SYNE2: variants seen among roughly 807,000 people sequenced by gnomAD.
SYNE2 encodes spectrin repeat containing nuclear envelope protein 2, also known as nesprin-2.
In SYNE2, 431 loss-of-function variants were observed where a neutral mutation model predicts 856.3. The ratio of observed to expected loss-of-function variants is 0.50; its 90% CI spans 0.47 to 0.55. The LOEUF is 0.55. Ranked by LOEUF, SYNE2 falls within the 20% of genes least tolerant of loss-of-function variation. The probability of loss-of-function intolerance (pLI) is 0.00; values close to 1 mark genes in which losing one functional copy is unlikely to be tolerated. For synonymous variants in SYNE2, 2,923 were observed against 2,872.3 expected, an observed-to-expected ratio of 1.02 and a Z score of -0.56; for missense variants, 8,129 against 8,023.2, an observed-to-expected ratio of 1.01 and a Z score of -0.50.
chr14:64,098,998 C>G (rs2097699727), intron 63 of SYNE2, 177 bp downstream of exon 63: 1 of 657,302 alleles, frequency 1.5e-6, no homozygotes, highest in Admixed American at 2.2e-5. Context: ...TGGAAACCTA[C>G]TTCACTGTGT....
chr14:64,006,146 A>G (rs909947788), intron 30 of SYNE2, among the ~76,000 whole-genome samples: 1 of 152,210 alleles, frequency 6.6e-6, no homozygotes, highest in African/African-American at 2.4e-5. Context: ...AGAAAATTGG[A>G]GGCTAGGAAG....
intron 1 of SYNE2, among the ~76,000 whole-genome samples, chr14:63,859,946 T>TCCTTCCCCCCCCCCCCCCCCC (rs1412347551): frequency 1.8e-5 from 1 of 55,062 alleles, no homozygotes; most frequent in African/African-American, 4.1e-5. Context: ...TCCCCTTCCT[T>TCCTTCCCCCCCCCCCCCCCCC]CCCTCCCTCC....
chr14:64,075,753 AC>A (rs2097453400), intron 53 of SYNE2, 191 bp from the exon 54 acceptor site: 2 of 585,086 alleles, frequency 3.4e-6, no homozygotes, highest in Non-Finnish European at 6.1e-6. Flanking sequence ...TTTAATTCTT[AC>A]AAATTAGAAA....
At chr14:64,207,893 C>A in intron 100 of SYNE2, 1 of 414,974 alleles carries the variant, frequency 2.4e-6, no homozygotes, top group Non-Finnish European at 4.8e-6. Flanking sequence ...ACAATTTGGA[C>A]ATCAGGGATG....
At chr14:64,207,233 C>T (rs1481450320) in intron 100 of SYNE2, among the ~76,000 whole-genome samples, 1 of 152,152 alleles carries the variant, frequency 6.6e-6, no homozygotes, top group Non-Finnish European at 1.5e-5. Context: ...TTTCTTATAT[C>T]AACCTAAACA....
chr14:63,874,135 C>G (rs973561758), intron 1 of SYNE2: 1 of 152,306 alleles, frequency 6.6e-6, no homozygotes, highest in East Asian at 1.9e-4. Context: ...CTTCCTGTAT[C>G]TCTCTTCCTT....
intron 99 of SYNE2, among the ~76,000 whole-genome samples, chr14:64,193,926 T>C (rs1567607451): frequency 6.6e-6 from 1 of 152,218 alleles, no homozygotes; most frequent in Non-Finnish European, 1.5e-5. Flanking sequence ...GTAAATAATT[T>C]AGCCAAGGAC....
intron 8 of SYNE2, among the ~76,000 whole-genome samples, chr14:63,955,673 C>T (rs1264367126): frequency 6.6e-6 from 1 of 152,072 alleles, no homozygotes; most frequent in Non-Finnish European, 1.5e-5. Flanking sequence ...GACTGGCTCT[C>T]CCAAACAATG....
In SYNE2 at chr14:64,220,589, A is replaced by G. The variant is rs2098689688; in HGVS notation, c.20013A>G (p.Ala6671=). 6.2e-7 allele frequency: 1 copy of G among 1,614,178 alleles called. No individual in the cohort carries two copies. Among genetic ancestry groups the G allele is most frequent in the South Asian group, 1.1e-5 (1 of 91,084 alleles). Residue 6671 remains alanine, a synonymous_variant, in exon 111 of 116, where the codon GCA becomes GCG. Transcript: ENST00000555002. ...LSLLWEAAQG[A]VDSWRGGLRQ... ...TGCTCTGGGAAGCAGCACAGGGCGC[A>G]GTGGACAGCTGGAGAGGGGGCTTAC...
chr14:63,978,127 C>A, intron 13 of SYNE2, 110 bp downstream of exon 13: 1 of 777,330 alleles, frequency 1.3e-6, no homozygotes, highest in Non-Finnish European at 2.3e-6. Flanking sequence ...ACCAAGTATT[C>A]TCCTTTAAAT....
At chr14:64,161,256 A>G (rs1255705596) in intron 87 of SYNE2, among the ~76,000 whole-genome samples, 5 of 151,880 alleles carry the variant, frequency 3.3e-5, no homozygotes, top group Non-Finnish European at 7.4e-5. Flanking sequence ...AGATGGGAGG[A>G]TCACTTAAGC....
At chr14:64,172,622 C>A (rs2098416314) in intron 94 of SYNE2, among the ~76,000 whole-genome samples, 1 of 152,144 alleles carries the variant, frequency 6.6e-6, no homozygotes, top group Non-Finnish European at 1.5e-5. Flanking sequence ...TATGTGTCCA[C>A]ATGAGTTTGA....
At chr14:63,969,828 A>G (rs1014319715) in intron 11 of SYNE2, among the ~76,000 whole-genome samples, 3 of 152,088 alleles carry the variant, frequency 2.0e-5, no homozygotes, top group Non-Finnish European at 4.4e-5. Flanking sequence ...GTCCAATTCT[A>G]TTATATTTTG....
chr14:63,976,370 T>A (rs983719240), intron 11 of SYNE2, among the ~76,000 whole-genome samples, 193 bp from the exon 12 acceptor site: 3 of 152,186 alleles, frequency 2.0e-5, no homozygotes, highest in Non-Finnish European at 4.4e-5. Context: ...ATTATATTCC[T>A]GGTGAGCAAG....
At chr14:63,954,957 A>T (rs1308019469) in intron 8 of SYNE2, 42 bp downstream of exon 8, 1 of 1,511,826 alleles carries the variant, frequency 6.6e-7, no homozygotes, top group Non-Finnish European at 9.1e-7. Context: ...TTTAAGGCTT[A>T]GCATGAAGTT....
chr14:63,826,589 C>T (rs1167960983), intron 1 of SYNE2, among the ~76,000 whole-genome samples: 1 of 152,092 alleles, frequency 6.6e-6, no homozygotes, highest in African/African-American at 2.4e-5. Context: ...CGTGAGTCAC[C>T]GCGCCTGGCC....
At chr14:63,794,716 TACAC>T (rs1887857310) in intron 1 of SYNE2, among the ~76,000 whole-genome samples, 1 of 152,112 alleles carries the variant, frequency 6.6e-6, no homozygotes. Context: ...AAAATATAAC[TACAC>T]ACTCACTGAA....
rs1174363560 is a variant in SYNE2 at position 64,162,120 on chromosome 14, G to C, written c.16143G>C (p.Gln5381His). ...QAIADQLQKA[Q>H]SLLQLWKAYS... Reference sequence around the variant, plus strand: ...TTGCAGACCAGTTGCAGAAGGCCCAGAGTCTGCTCCAGCTCTGGAAGGCCT... The same window carrying C: ...TTGCAGACCAGTTGCAGAAGGCCCACAGTCTGCTCCAGCTCTGGAAGGCCT... The change falls in exon 88 of 116, where the codon CAG becomes CAC. Residue 5381 changes from glutamine to histidine, a missense_variant. This residue lies in a region of SYNE2 where 5,410 missense variants were observed against 5,284.8 expected (regional missense o/e 1.02). Transcript: ENST00000555002. The C allele has an allele frequency of 6.2e-7, 1 of 1,614,106 alleles. No homozygotes were observed. Among genetic ancestry groups the C allele is most frequent in the East Asian group, 2.2e-5 (1 of 44,888 alleles).
At chr14:63,861,408 G>A (rs182338442) in intron 1 of SYNE2, among the ~76,000 whole-genome samples, 113 of 152,116 alleles carry the variant, frequency 7.4e-4, no homozygotes, top group Non-Finnish European at 1.3e-3. Context: ...CTCCCAAAGT[G>A]CTGGGATTAC....
Sources: gnomAD v4.1 joint callset for allele counts (sites outside exome capture counted in the v4.1 genomes callset) on GRCh38, gnomAD v4.1.1 for gene constraint, gnomAD v4.1.1 regional missense constraint, MANE v1.5 for transcripts, NCBI Gene and HGNC (gene_info 2026-07-23, HGNC 2026-07-21) for gene names.